The following ROR1 variants were observed in gnomAD, a reference collection of about 807,000 sequenced individuals.
ROR1 encodes inactive tyrosine-protein kinase transmembrane receptor ROR1.
In ROR1, 19 loss-of-function variants were observed where a neutral mutation model predicts 78.8. That is an observed-to-expected ratio of 0.24 (90% CI 0.17 to 0.35). The LOEUF is 0.35. Among genes scored for constraint, ROR1 ranks in the 10% least tolerant of loss-of-function variants. The pLI is 1.00. For missense variants in ROR1, 917 were observed against 1,177.8 expected, an observed-to-expected ratio of 0.78 and a Z score of 3.24; for synonymous variants, 386 against 433.6, an observed-to-expected ratio of 0.89 and a Z score of 1.36.
chr1:64,176,703 C>G (rs1032373802), intron 8 of ROR1, among the ~76,000 whole-genome samples: 19 of 152,330 alleles, frequency 1.2e-4, no homozygotes, highest in African/African-American at 4.3e-4. Flanking sequence ...GGGCCTGAAA[C>G]AGGCTTTTTA....
intron 4 of ROR1, among the ~76,000 whole-genome samples, chr1:64,069,689 C>T (rs761642131): frequency 1.3e-4 from 20 of 152,278 alleles, no homozygotes; most frequent in Non-Finnish European, 2.2e-4. Flanking sequence ...GCAGGCAGAT[C>T]CCTGCAGAGG....
At chr1:63,822,696 A>G (rs955951076) in intron 1 of ROR1, among the ~76,000 whole-genome samples, 1 of 152,210 alleles carries the variant, frequency 6.6e-6, no homozygotes, top group Non-Finnish European at 1.5e-5. Flanking sequence ...TTCTCAAATC[A>G]TCAATTTTTA....
intron 1 of ROR1, among the ~76,000 whole-genome samples, chr1:63,899,359 A>G (rs1569879302): frequency 6.6e-6 from 1 of 152,164 alleles, no homozygotes; most frequent in Non-Finnish European, 1.5e-5. Flanking sequence ...TGTCCTTGCC[A>G]TATACACAGT....
chr1:63,975,869 T>C (rs1176867513), intron 1 of ROR1, among the ~76,000 whole-genome samples: 1 of 152,202 alleles, frequency 6.6e-6, no homozygotes, highest in Non-Finnish European at 1.5e-5. Flanking sequence ...TTTTCCAAAA[T>C]TCATGCTGGG....
At chr1:63,966,376 A>G (rs1203179339) in intron 1 of ROR1, among the ~76,000 whole-genome samples, 2 of 152,274 alleles carry the variant, frequency 1.3e-5, no homozygotes, top group Admixed American at 1.3e-4. Context: ...AGTCACCACC[A>G]TGGCTTTTAA....
At chr1:63,794,325 A>C (rs1365837665) in intron 1 of ROR1, among the ~76,000 whole-genome samples, 3 of 152,220 alleles carry the variant, frequency 2.0e-5, no homozygotes, top group African/African-American at 7.2e-5. Context: ...CTGAGTGTGC[A>C]TGGTGAGTCG....
intron 2 of ROR1, among the ~76,000 whole-genome samples, chr1:64,024,206 C>T (rs548636089): frequency 4.6e-5 from 7 of 152,224 alleles, no homozygotes; most frequent in South Asian, 2.1e-4. Flanking sequence ...GGGAGCTGGG[C>T]GCAGTGGCTC....
chr1:63,844,167 C>T (rs908552256), intron 1 of ROR1, among the ~76,000 whole-genome samples: 1 of 152,214 alleles, frequency 6.6e-6, no homozygotes, highest in Admixed American at 6.5e-5. Context: ...TTAATCAGCT[C>T]ACACATGGTT....
chr1:63,986,465 G>C (rs190775993), intron 1 of ROR1, among the ~76,000 whole-genome samples: 1 of 152,292 alleles, frequency 6.6e-6, no homozygotes, highest in Admixed American at 6.5e-5. Context: ...GGTGTGTTTG[G>C]AATGGTGAGC....
chr1:63,959,994 A>G (rs1646015123), intron 1 of ROR1, among the ~76,000 whole-genome samples: 1 of 152,180 alleles, frequency 6.6e-6, no homozygotes, highest in Admixed American at 6.5e-5. Context: ...CTAATCCCTT[A>G]GCATCACTAT....
At chr1:63,903,369 A>G (rs1408155192) in intron 1 of ROR1, among the ~76,000 whole-genome samples, 1 of 151,830 alleles carries the variant, frequency 6.6e-6, no homozygotes, top group Non-Finnish European at 1.5e-5. Context: ...TTCCACTCCC[A>G]CTTGATGATG....
chr1:63,941,521 C>A (rs1354449075), intron 1 of ROR1, among the ~76,000 whole-genome samples: 1 of 152,186 alleles, frequency 6.6e-6, no homozygotes, highest in Non-Finnish European at 1.5e-5. Flanking sequence ...TGTCTGCCAC[C>A]ACTTAGCTGT....
rs1017978516 is a variant in ROR1 at position 63,866,666 on chromosome 1, T to TA, written c.91+92166dup. Among the ~76,000 whole-genome samples, 17 of 151,918 alleles carry TA rather than the reference T, an allele frequency of 1.1e-4. No homozygotes were observed. The East Asian group carries it at 1.2e-3, about 10-fold the overall frequency. On this transcript the variant is annotated intron_variant, in intron 1 of 8. Coordinates refer to ENST00000371079, the MANE Select transcript of ROR1 (RefSeq NM_005012.4). Reference sequence around the variant, plus strand: ...TTTCCTTATATATTTCCTTCTGAAATAAAAAAAAGTATCTTTCATTAGATA... The same window carrying TA: ...TTTCCTTATATATTTCCTTCTGAAATAAAAAAAAAGTATCTTTCATTAGATA...
intron 4 of ROR1, among the ~76,000 whole-genome samples, chr1:64,054,386 C>T (rs1557629637): frequency 6.6e-6 from 1 of 152,160 alleles, no homozygotes; most frequent in Non-Finnish European, 1.5e-5. Flanking sequence ...AAGCAATCCT[C>T]CCACCTCAGC....
intron 1 of ROR1, among the ~76,000 whole-genome samples, chr1:64,006,994 C>T (rs1646432996): frequency 6.6e-6 from 1 of 151,780 alleles, no homozygotes. Flanking sequence ...GAAAAATGTG[C>T]TTATCTCTGT....
At chr1:64,012,575 A>T (rs1484305331) in intron 2 of ROR1, among the ~76,000 whole-genome samples, 1 of 152,208 alleles carries the variant, frequency 6.6e-6, no homozygotes. Context: ...TGAAAACCAC[A>T]AAACAACAAT....
intron 1 of ROR1, among the ~76,000 whole-genome samples, chr1:63,792,801 C>T (rs1644735247): frequency 1.3e-5 from 2 of 152,180 alleles, no homozygotes; most frequent in Admixed American, 1.3e-4. Flanking sequence ...TTGGTTCTTT[C>T]CCTGAAAACT....
intron 2 of ROR1, among the ~76,000 whole-genome samples, chr1:64,020,258 A>G (rs1318932262): frequency 6.6e-6 from 1 of 152,216 alleles, no homozygotes; most frequent in Non-Finnish European, 1.5e-5. Flanking sequence ...TACGTCACAA[A>G]GCAGTGAACC....
chr1:64,029,115 A>C (rs1257286571), intron 2 of ROR1: 1 of 152,150 alleles, frequency 6.6e-6, no homozygotes, highest in Non-Finnish European at 1.5e-5. Context: ...TAATAAAAAT[A>C]ATATTTGTTA....
Sources: allele counts gnomAD v4.1 joint callset (sites outside exome capture counted in the v4.1 genomes callset), GRCh38; gene constraint gnomAD v4.1.1; transcripts MANE v1.5; gene names NCBI Gene and HGNC (gene_info 2026-07-23, HGNC 2026-07-21).